EPB41L1: variants seen among roughly 807,000 people sequenced by gnomAD.
The protein encoded by EPB41L1 is band 4.1-like protein 1.
A neutral mutation model predicts 97.8 loss-of-function variants in EPB41L1; 29 were observed. The observed-to-expected ratio is 0.30, with a 90% confidence interval of 0.22 to 0.40. The LOEUF is 0.40. Among genes scored for constraint, EPB41L1 ranks in the 10% least tolerant of loss-of-function variants. The pLI is 1.00. For missense variants in EPB41L1, 812 were observed against 1,162.3 expected (o/e 0.70, Z 4.38); for synonymous variants, 383 against 459.2 (o/e 0.83, Z 2.12).
chr20:36,125,780 G>A (rs1163725307), intron 2 of EPB41L1, among the ~76,000 whole-genome samples: 1 of 152,174 alleles, frequency 6.6e-6, no homozygotes, highest in Non-Finnish European at 1.5e-5. Flanking sequence ...TCTGATTTCT[G>A]GCAGTGGGAG....
At chr20:36,146,851 A>G (rs1204979615) in intron 2 of EPB41L1, among the ~76,000 whole-genome samples, 1 of 151,918 alleles carries the variant, frequency 6.6e-6, no homozygotes, top group Non-Finnish European at 1.5e-5. Context: ...TTGAAAAGAA[A>G]AAAAAAAAAA....
chr20:36,160,362 T>A (rs971059094), intron 1 of EPB41L1, among the ~76,000 whole-genome samples: 2 of 152,274 alleles, frequency 1.3e-5, no homozygotes, highest in Admixed American at 6.5e-5. Flanking sequence ...GGCGGGTAGA[T>A]CACCTGAGGT....
Position 36,212,303 on chromosome 20 carries a change from G to A in EPB41L1, c.2111G>A (p.Ser704Asn), listed in dbSNP as rs764987877. Residue 704 changes from serine to asparagine, a missense_variant, in exon 16 of 22, where the codon AGT becomes AAT. Ser to Asn is a conservative substitution (Grantham distance 46). Transcript: ENST00000338074. The surrounding 1 kb of genome is among the most constrained non-coding windows in gnomAD (Gnocchi z 4.8). ...PVKTETMTVS[S>N]LAIRKKIEPE... is the part of the protein sequence containing the mutation. ...AAAACAGAAACCATGACTGTCAGCA[G>A]TCTGGCCATTAGAAAGAAGATTGAG... 1.9e-6 allele frequency: 3 copies of A among 1,614,198 alleles called. No individual in the cohort carries two copies. The highest frequency in any genetic ancestry group is 2.5e-6 in the Non-Finnish European group (3 of 1,180,032).
chr20:36,208,245 T>C, intron 14 of EPB41L1: 1 of 371,004 alleles, frequency 2.7e-6, no homozygotes, highest in Non-Finnish European at 5.4e-6. Context: ...TCCCTCTCAG[T>C]CCCAGTGCCA....
At chr20:36,121,399 G>T (rs2058748476) in intron 2 of EPB41L1, among the ~76,000 whole-genome samples, 1 of 152,172 alleles carries the variant, frequency 6.6e-6, no homozygotes, top group African/African-American at 2.4e-5. Flanking sequence ...TCTGTTGGGG[G>T]AGGTAGCATG....
intron 2 of EPB41L1, among the ~76,000 whole-genome samples, chr20:36,117,430 T>TGAAAG (rs1186386178): frequency 1.3e-5 from 2 of 151,848 alleles, no homozygotes; most frequent in Non-Finnish European, 2.9e-5. Context: ...AATTCTTTCA[T>TGAAAG]AATTCTTCTG....
At position 36,206,246 on chromosome 20, in the gene EPB41L1, T is replaced by C; in HGVS notation, c.1669-3242T>C. The stretch of plus-strand genomic sequence containing the variant: ...GAGGCAACCATCAGGAACCGCTGCA[T>C]GTCAGATGGTCAGCCGGAGGGCCAG... On this transcript the variant is annotated intron_variant, in intron 14 of 21. Transcript: ENST00000338074. This position sits in a 1 kb window ranked among gnomAD's most constrained non-coding sequence, Gnocchi z 5.5. 1 of 1,289,884 alleles carries C rather than the reference T, an allele frequency of 7.8e-7. No individual in the cohort carries two copies. The allele number at this position is 1,289,884 out of a possible 1,614,324, so 79.9% of individuals were successfully genotyped here. A position where few individuals can be genotyped will look rare whatever the true frequency, so the allele number is the denominator to read the frequency against.
rs574142561 is a variant in EPB41L1, at chr20:36,194,872, G to A, written c.1450-457G>A. On this transcript the variant is annotated intron_variant, in intron 12 of 21. Transcript: ENST00000338074. ...GCCTCACACTCACTTAATAACAGAT[G>A]TATGCACCCGTCACCCTTAGATCCA... 1.4e-3 allele frequency among the ~76,000 whole-genome samples: 215 copies of A among 152,276 alleles called. 1 individual carries two copies. Among genetic ancestry groups the A allele is most frequent in the African/African-American group, 4.9e-3 (203 of 41,544 alleles).
At chr20:36,126,645 C>T (rs886606226) in intron 2 of EPB41L1, among the ~76,000 whole-genome samples, 2 of 152,212 alleles carry the variant, frequency 1.3e-5, no homozygotes, top group African/African-American at 4.8e-5. Context: ...GGATTACAGG[C>T]GTGAGCCACC....
chr20:36,221,550 G>A (rs1490454598), intron 19 of EPB41L1, among the ~76,000 whole-genome samples: 2 of 152,174 alleles, frequency 1.3e-5, no homozygotes, highest in African/African-American at 4.8e-5. Context: ...CTGTGAGAGA[G>A]ACAGATTCAG....
intron 14 of EPB41L1, among the ~76,000 whole-genome samples, chr20:36,203,310 G>A (rs993344749): frequency 2.6e-5 from 4 of 152,172 alleles, no homozygotes; most frequent in African/African-American, 7.2e-5. Context: ...ATACCGTTTC[G>A]CCTTCTGAAA....
At chr20:36,178,155 C>A in intron 4 of EPB41L1, 99 bp downstream of exon 4, 1 of 909,804 alleles carries the variant, frequency 1.1e-6, no homozygotes, top group Non-Finnish European at 1.8e-6. Context: ...AATCATTAAG[C>A]ATCTTCTGTT....
chr20:36,199,381 T>A (rs145103577), intron 14 of EPB41L1, among the ~76,000 whole-genome samples: 12 of 152,288 alleles, frequency 7.9e-5, no homozygotes, highest in Non-Finnish European at 2.9e-5. Flanking sequence ...AAAGACCAGG[T>A]AGAGAGTCAA....
At chr20:36,167,845 G>A (rs954776108) in intron 1 of EPB41L1, among the ~76,000 whole-genome samples, 2 of 152,130 alleles carry the variant, frequency 1.3e-5, no homozygotes, top group African/African-American at 4.8e-5. Context: ...GTCACAGGGA[G>A]ACCATGGAGC....
intron 2 of EPB41L1, among the ~76,000 whole-genome samples, chr20:36,144,214 T>C (rs1569123533): frequency 6.6e-6 from 1 of 152,280 alleles, no homozygotes; most frequent in East Asian, 1.9e-4. Flanking sequence ...GGAAATTGAA[T>C]TCAGAGAGGA....
At chr20:36,163,935 C>T (rs2060634273) in intron 1 of EPB41L1, among the ~76,000 whole-genome samples, 1 of 152,206 alleles carries the variant, frequency 6.6e-6, no homozygotes, top group Admixed American at 6.5e-5. Context: ...TGGCTCACTG[C>T]AACTTCCACC....
intron 17 of EPB41L1, among the ~76,000 whole-genome samples, chr20:36,216,420 G>A (rs1297837484): frequency 6.6e-6 from 1 of 152,198 alleles, no homozygotes; most frequent in East Asian, 1.9e-4. Flanking sequence ...GGAAAGGAAG[G>A]CTAGGCCAGA....
chr20:36,127,993 C>T (rs573267513), intron 2 of EPB41L1, among the ~76,000 whole-genome samples: 4 of 152,004 alleles, frequency 2.6e-5, no homozygotes, highest in South Asian at 2.1e-4. Context: ...GTCAGAAGCC[C>T]GGGGGAACGA....
chr20:36,160,477 C>T (rs1600670431), intron 1 of EPB41L1, among the ~76,000 whole-genome samples: 1 of 151,734 alleles, frequency 6.6e-6, no homozygotes, highest in South Asian at 2.1e-4. Context: ...CCCAGCTACT[C>T]AGGAGGCTGA....
Sources: gnomAD v4.1 joint callset for allele counts (sites outside exome capture counted in the v4.1 genomes callset) on GRCh38, gnomAD v4.1.1 for gene constraint, Gnocchi (gnomAD v3.1) non-coding constraint, MANE v1.5 for transcripts, NCBI Gene and HGNC (gene_info 2026-07-23, HGNC 2026-07-21) for gene names.